Variants in DGLUCY observed in about 807,000 individuals in gnomAD.
DGLUCY encodes the protein D-glutamate cyclase, also known as D-glutamate cyclase, mitochondrial.
DGLUCY carries 58 observed loss-of-function variants against 58.5 expected under a neutral mutation model. The ratio of observed to expected loss-of-function variants is 0.99; its 90% CI spans 0.80 to 1.23. The LOEUF (loss-of-function observed/expected upper bound fraction) is 1.23. DGLUCY is among the 50% of genes most tolerant of loss of function. The pLI is 0.00. For synonymous variants in DGLUCY, 325 were observed against 314.1 expected (o/e 1.03, Z -0.37); for missense variants, 779 against 784.7 (o/e 0.99, Z 0.09).
chr14:91,212,176 A>G (rs1321725398), intron 12 of DGLUCY, among the ~76,000 whole-genome samples: 2 of 152,186 alleles, frequency 1.3e-5, no homozygotes, highest in Non-Finnish European at 2.9e-5. Flanking sequence ...GGACTTCACT[A>G]AAGTTTCAAA....
upstream of DGLUCY, among the ~76,000 whole-genome samples, chr14:91,109,891 A>G (rs2044664496): frequency 1.3e-5 from 2 of 152,332 alleles, no homozygotes; most frequent in Admixed American, 1.3e-4. Flanking sequence ...GGAGGCTTTC[A>G]TATCTAATTC....
chr14:91,085,563 G>GTTT (rs869263434), intron 1 of DGLUCY, among the ~76,000 whole-genome samples: 1,786 of 125,630 alleles, frequency 0.014, 46 homozygotes, highest in African/African-American at 0.051. Context: ...TTTTTTTTTT[G>GTTT]TTTTTTTTTT....
chr14:91,159,991 C>CTGTTAGGGAAGGGA, intron 2 of DGLUCY, among the ~76,000 whole-genome samples: 1 of 152,298 alleles, frequency 6.6e-6, no homozygotes, highest in Non-Finnish European at 1.5e-5. Context: ...GAAGACTCTG[C>CTGTTAGGGAAGGGA]AGCTCCCGAG....
intron 1 of DGLUCY, among the ~76,000 whole-genome samples, chr14:91,122,304 CCACCCT>C (rs2045416938): frequency 6.6e-6 from 1 of 151,994 alleles, no homozygotes; most frequent in Non-Finnish European, 1.5e-5. Context: ...CAGGTACGTG[CCACCCT>C]GCCCAGCTAA....
At chr14:91,148,725 C>G (rs2140289927) in intron 1 of DGLUCY, 1 of 151,976 alleles carries the variant, frequency 6.6e-6, no homozygotes, top group Admixed American at 6.5e-5. Flanking sequence ...GCAGGAGGAT[C>G]ACTTGAGCTC....
intron 1 of DGLUCY, among the ~76,000 whole-genome samples, chr14:91,102,899 T>C (rs2044517813): frequency 6.6e-6 from 1 of 151,904 alleles, no homozygotes; most frequent in Admixed American, 6.6e-5. Flanking sequence ...GTAGCTGGGA[T>C]TGCAGGTACC....
intron 1 of DGLUCY, among the ~76,000 whole-genome samples, chr14:91,151,250 GT>G (rs1231554494): frequency 1.3e-5 from 2 of 152,004 alleles, no homozygotes; most frequent in African/African-American, 4.8e-5. Flanking sequence ...TTGTTGTTTT[GT>G]TTTTTTGAGA....
intron 12 of DGLUCY, among the ~76,000 whole-genome samples, chr14:91,215,117 C>T (rs1479528591): frequency 6.6e-6 from 1 of 152,146 alleles, no homozygotes; most frequent in Non-Finnish European, 1.5e-5. Context: ...CCACTACACT[C>T]CAGCCTGGGC....
At chr14:91,164,448 G>T (rs1177009408) in intron 3 of DGLUCY, among the ~76,000 whole-genome samples, 1 of 152,134 alleles carries the variant, frequency 6.6e-6, no homozygotes, top group Non-Finnish European at 1.5e-5. Context: ...TGTAGTCTTT[G>T]CTATCTGGGC....
Position 91,158,141 on chromosome 14 carries a change from C to G in DGLUCY, c.-30+451C>G, listed in dbSNP as rs115946038. 2.8e-3 allele frequency among the ~76,000 whole-genome samples: 421 copies of G among 152,274 alleles called. 4 individuals are homozygous for G. Among genetic ancestry groups the G allele is most frequent in the African/African-American group, 9.6e-3 (400 of 41,548 alleles). Reference sequence around the variant, plus strand: ...GGTCCTCTCTGCAGTGTGCAGTGACCCTGGGGAACCACAGACATTCAGGAC... The same window carrying G: ...GGTCCTCTCTGCAGTGTGCAGTGACGCTGGGGAACCACAGACATTCAGGAC... On this transcript the variant is annotated intron_variant, in intron 2 of 13. Transcript: ENST00000256324.
chr14:91,185,708 A>AG lies in DGLUCY; in HGVS notation c.935-3202_935-3201insG, dbSNP rs869104463. ...TAACTCTACCATTAGCTCAGATTAAAAAAAAAAAAAGTAATTGGGAAGTAA... is the reference window on the plus strand; with the variant it reads ...TAACTCTACCATTAGCTCAGATTAAAGAAAAAAAAAAGTAATTGGGAAGTAA... On this transcript the variant is annotated intron_variant, in intron 8 of 13. Transcript: ENST00000256324. 7.3e-5 allele frequency: 11 copies of AG among 151,354 alleles called. No individual in the cohort carries two copies. In the East Asian group the frequency reaches 2.1e-3, roughly 29 times the overall value. The allele number at this position is 151,354 out of a possible 1,614,324, so 9.4% of individuals were successfully genotyped here. A position where few individuals can be genotyped will look rare whatever the true frequency, so the allele number is the denominator to read the frequency against.
intron 1 of DGLUCY, among the ~76,000 whole-genome samples, chr14:91,118,086 C>A (rs201463903): frequency 2.5e-5 from 2 of 81,364 alleles, no homozygotes; most frequent in Non-Finnish European, 4.7e-5. Flanking sequence ...CCCCCCCCCC[C>A]CCTTTTTTTT....
intron 1 of DGLUCY, among the ~76,000 whole-genome samples, chr14:91,099,515 A>G (rs1055293712): frequency 7.4e-6 from 1 of 134,310 alleles, no homozygotes; most frequent in East Asian, 2.0e-4. Context: ...CCTAGGCGAC[A>G]GAGACCCAAT....
rs1887839060 is a variant in DGLUCY, at chr14:91,223,769, C to T, written c.1717-915C>T. 5 of 1,197,610 alleles carry T rather than the reference C, an allele frequency of 4.2e-6. No homozygotes were observed. The South Asian group carries it at 6.4e-5, about 15-fold the overall frequency. The allele number at this position is 1,197,610 out of a possible 1,614,324, so 74.2% of individuals were successfully genotyped here. A position where few individuals can be genotyped will look rare whatever the true frequency, so the allele number is the denominator to read the frequency against. The stretch of plus-strand genomic sequence containing the variant: ...TCATTTTGTGAATGCCTGTTGTGTG[C>T]CAAGGACCCTGCTAAGTGCTTTGCT... On this transcript the variant is annotated intron_variant, in intron 13 of 13. Coordinates refer to ENST00000256324, the MANE Select transcript of DGLUCY (RefSeq NM_001102368.3).
intron 1 of DGLUCY, among the ~76,000 whole-genome samples, chr14:91,062,569 A>G (rs1418725447): frequency 1.6e-4 from 1 of 6,284 alleles, no homozygotes; most frequent in African/African-American, 7.1e-4. Flanking sequence ...ATATATATAT[A>G]TATATATATA....
At chr14:91,131,139 G>C (rs1184269287) in intron 1 of DGLUCY, among the ~76,000 whole-genome samples, 1 of 152,064 alleles carries the variant, frequency 6.6e-6, no homozygotes, top group Non-Finnish European at 1.5e-5. Context: ...TAGTAGAGAC[G>C]AGGTTTTACC....
intron 3 of DGLUCY, among the ~76,000 whole-genome samples, chr14:91,166,635 A>G (rs924193798): frequency 2.6e-5 from 4 of 151,980 alleles, no homozygotes; most frequent in Non-Finnish European, 5.9e-5. Context: ...AGTGCACTCC[A>G]GCCTGGGTGA....
chr14:91,185,415 T>G (rs2049453376), intron 8 of DGLUCY: 1 of 150,206 alleles, frequency 6.7e-6, no homozygotes, highest in Non-Finnish European at 1.5e-5. Context: ...CCCGAGTACC[T>G]GGCACTACAG....
At chr14:91,062,173 T>C (rs1202355020) in intron 1 of DGLUCY, among the ~76,000 whole-genome samples, 3 of 152,218 alleles carry the variant, frequency 2.0e-5, no homozygotes, top group Admixed American at 2.0e-4. Flanking sequence ...ATATTTTTTA[T>C]GGACATTGAA....
Sources: gnomAD v4.1 joint callset for allele counts (sites outside exome capture counted in the v4.1 genomes callset) on GRCh38, gnomAD v4.1.1 for gene constraint, MANE v1.5 for transcripts, NCBI Gene and HGNC (gene_info 2026-07-23, HGNC 2026-07-21) for gene names.